Variants in KCNQ3 observed in about 807,000 individuals in gnomAD.
KCNQ3 encodes the protein potassium voltage-gated channel subfamily Q member 3, also known as potassium voltage-gated channel subfamily KQT member 3.
A neutral mutation model predicts 92.5 loss-of-function variants in KCNQ3; 30 were observed. That is an observed-to-expected ratio of 0.32 (90% CI 0.24 to 0.44). KCNQ3 has a LOEUF of 0.44. Among genes scored for constraint, KCNQ3 ranks in the 20% least tolerant of loss-of-function variants. KCNQ3 has a pLI of 1.00. For missense variants in KCNQ3, 913 were observed against 1,140.3 expected, an observed-to-expected ratio of 0.80 and a Z score of 2.87; for synonymous variants, 450 against 468.8, an observed-to-expected ratio of 0.96 and a Z score of 0.52.
chr8:132,303,677 T>TACACACACAC (rs1554642855), intron 1 of KCNQ3, among the ~76,000 whole-genome samples: 10 of 85,996 alleles, frequency 1.2e-4, no homozygotes, highest in Middle Eastern at 7.2e-3. Flanking sequence ...TATATATATA[T>TACACACACAC]ACACACACAC....
At chr8:132,299,936 C>A (rs1386905560) in intron 1 of KCNQ3, among the ~76,000 whole-genome samples, 4 of 152,222 alleles carry the variant, frequency 2.6e-5, no homozygotes, top group Non-Finnish European at 4.4e-5. Flanking sequence ...ATGTGCTCCT[C>A]TTCTCTGCTC....
intron 1 of KCNQ3, among the ~76,000 whole-genome samples, chr8:132,413,387 C>T (rs1242151948): frequency 1.3e-5 from 2 of 152,204 alleles, no homozygotes; most frequent in Non-Finnish European, 2.9e-5. Context: ...TAAGCATCAC[C>T]TCCTCCAGGA....
chr8:132,258,749 G>A (rs981427010), intron 1 of KCNQ3, among the ~76,000 whole-genome samples: 1 of 151,898 alleles, frequency 6.6e-6, no homozygotes, highest in African/African-American at 2.4e-5. Flanking sequence ...AAATTCACAA[G>A]CCCTTAGCTA....
intron 1 of KCNQ3, among the ~76,000 whole-genome samples, chr8:132,221,726 C>T (rs949445711): frequency 6.6e-6 from 1 of 152,122 alleles, no homozygotes. Context: ...ATATATAGAC[C>T]AATGGAACAG....
intron 1 of KCNQ3, among the ~76,000 whole-genome samples, chr8:132,347,118 T>TGGATA (rs796753627): frequency 2.0e-5 from 3 of 152,326 alleles, no homozygotes; most frequent in African/African-American, 7.2e-5. Flanking sequence ...ACCCCTGGGC[T>TGGATA]GGATATTTTT....
rs1019878547 is a variant in KCNQ3 at position 132,125,888 on chromosome 8, C to T, written c.*3374G>A. On this transcript the variant is annotated 3_prime_UTR_variant, in exon 15 of 15. Coordinates refer to ENST00000388996, the MANE Select transcript of KCNQ3 (RefSeq NM_004519.4). ...TCTCAATTTGATGTGTTTTTCTTTT[C>T]CTGAAATAATTTTTTTCTTAAGCTT... The T allele has an allele frequency of 6.6e-6, 1 of 152,060 alleles. No individual in the cohort carries two copies. The highest frequency in any genetic ancestry group is 2.4e-5 in the African/African-American group (1 of 41,412). The allele number at this position is 152,060 out of a possible 1,614,324, so 9.4% of individuals were successfully genotyped here.
At chr8:132,229,314 T>G (rs1416375852) in intron 1 of KCNQ3, among the ~76,000 whole-genome samples, 1 of 150,876 alleles carries the variant, frequency 6.6e-6, no homozygotes, top group Non-Finnish European at 1.5e-5. Context: ...TGAAAGGTGG[T>G]ACCAGTGCAG....
At chr8:132,291,917 G>T (rs1347893731) in intron 1 of KCNQ3, among the ~76,000 whole-genome samples, 10 of 152,122 alleles carry the variant, frequency 6.6e-5, no homozygotes, top group Non-Finnish European at 1.5e-4. Context: ...AATAACAAAG[G>T]AAATATCCTG....
At chr8:132,175,719 G>A (rs1192592737) in intron 4 of KCNQ3, 111 bp from the exon 5 acceptor site, 5 of 986,572 alleles carry the variant, frequency 5.1e-6, no homozygotes, top group Middle Eastern at 2.1e-4. Context: ...CTGTGACTGT[G>A]GTCAAATCAC....
intron 9 of KCNQ3, among the ~76,000 whole-genome samples, chr8:132,161,670 A>G (rs897038215): frequency 6.6e-6 from 1 of 152,056 alleles, no homozygotes; most frequent in African/African-American, 2.4e-5. Context: ...AAAAAGAAAA[A>G]AAAAAGAAAT....
chr8:132,316,609 T>C (rs1397391236), intron 1 of KCNQ3, among the ~76,000 whole-genome samples: 3 of 152,200 alleles, frequency 2.0e-5, no homozygotes, highest in Non-Finnish European at 4.4e-5. Flanking sequence ...ATGCATGGGA[T>C]CATTGAGCCC....
rs140079242 is a variant in KCNQ3 at position 132,393,364 on chromosome 8, T to C, written c.386+86783A>G. The stretch of plus-strand genomic sequence containing the variant: ...CTTCTCATAGAAAAAGGCTAGAGAG[T>C]AAATATTTTTGGCTTCACATGACCT... On this transcript the variant is annotated intron_variant, in intron 1 of 14. Transcript: ENST00000388996. Among the ~76,000 whole-genome samples the C allele has an allele frequency of 3.0e-4, 45 of 152,242 alleles. No homozygotes were observed. The East Asian group carries it at 8.3e-3, about 28-fold the overall frequency.
At chr8:132,340,528 G>A (rs534457139) in intron 1 of KCNQ3, among the ~76,000 whole-genome samples, 27 of 152,196 alleles carry the variant, frequency 1.8e-4, no homozygotes, top group Admixed American at 9.8e-4. Flanking sequence ...ACCAAACACC[G>A]CATGTTCTCA....
At chr8:132,319,102 TGAAA>T (rs1036403863) in intron 1 of KCNQ3, among the ~76,000 whole-genome samples, 1 of 152,092 alleles carries the variant, frequency 6.6e-6, no homozygotes, top group Non-Finnish European at 1.5e-5. Context: ...GAAAAGTAAG[TGAAA>T]GGGCATGTCT....
At chr8:132,220,828 T>A (rs1437811) in intron 1 of KCNQ3, among the ~76,000 whole-genome samples, 35,429 of 151,958 alleles carry the variant, frequency 0.23, 4,358 homozygotes, top group African/African-American at 0.31. Flanking sequence ...TTATTTTTTT[T>A]ATTATACTTT....
intron 1 of KCNQ3, among the ~76,000 whole-genome samples, chr8:132,408,432 C>T (rs914599987): frequency 3.9e-5 from 6 of 152,138 alleles, no homozygotes; most frequent in African/African-American, 1.2e-4. Flanking sequence ...GACTCTCTAC[C>T]TGATGCTGTG....
chr8:132,424,592 T>A (rs1427216799), intron 1 of KCNQ3, among the ~76,000 whole-genome samples: 2 of 152,222 alleles, frequency 1.3e-5, no homozygotes, highest in African/African-American at 4.8e-5. Context: ...TGGTATTCAT[T>A]TCCTGGGGTT....
intron 1 of KCNQ3, among the ~76,000 whole-genome samples, chr8:132,415,151 C>T (rs984177531): frequency 1.3e-5 from 2 of 152,336 alleles, no homozygotes; most frequent in Admixed American, 6.5e-5. Context: ...CCCTCTGAAC[C>T]ATCTACTGCC....
At chr8:132,364,072 A>G (rs1819247241) in intron 1 of KCNQ3, among the ~76,000 whole-genome samples, 1 of 152,054 alleles carries the variant, frequency 6.6e-6, no homozygotes, top group Non-Finnish European at 1.5e-5. Flanking sequence ...ATTGTCCCCA[A>G]ATGCCATTAG....
Sources: allele counts gnomAD v4.1 joint callset (sites outside exome capture counted in the v4.1 genomes callset), GRCh38; gene constraint gnomAD v4.1.1; transcripts MANE v1.5; gene names NCBI Gene and HGNC (gene_info 2026-07-23, HGNC 2026-07-21).